Variants in TSPAN9 observed in about 807,000 individuals in gnomAD.
The protein encoded by TSPAN9 is tetraspanin-9.
Under a neutral mutation model 31.0 loss-of-function variants are expected in TSPAN9, and 16 were observed. The ratio of observed to expected loss-of-function variants is 0.52; its 90% CI spans 0.35 to 0.78. The LOEUF (loss-of-function observed/expected upper bound fraction) is 0.78. Among genes scored for constraint, TSPAN9 ranks in the 30% least tolerant of loss-of-function variants. The pLI, the probability that TSPAN9 is intolerant of heterozygous loss-of-function variation, is 0.01. For missense variants in TSPAN9, 272 were observed against 312.5 expected (o/e 0.87, Z 0.98); for synonymous variants, 145 against 121.6 (o/e 1.19, Z -1.27).
At chr12:3,148,914 G>A (rs1234160625) in intron 2 of TSPAN9, among the ~76,000 whole-genome samples, 1 of 152,206 alleles carries the variant, frequency 6.6e-6, no homozygotes, top group Non-Finnish European at 1.5e-5. Context: ...CCTCTCGGGC[G>A]TGCCTGGCCG....
intron 3 of TSPAN9, among the ~76,000 whole-genome samples, chr12:3,254,710 A>T (rs1487919112): frequency 6.6e-6 from 1 of 152,322 alleles, no homozygotes; most frequent in South Asian, 2.1e-4. Context: ...CCCGCTTAAC[A>T]TATATAGAAA....
At chr12:3,261,929 AG>A (rs1410936357) in intron 3 of TSPAN9, among the ~76,000 whole-genome samples, 3 of 152,188 alleles carry the variant, frequency 2.0e-5, no homozygotes, top group Non-Finnish European at 2.9e-5. Context: ...TCCCCATTTC[AG>A]GGACTTGGTG....
intron 3 of TSPAN9, among the ~76,000 whole-genome samples, chr12:3,268,183 C>CGTTCCTGCAGCCTGCCCTCTCTGT (rs1862575465): frequency 7.6e-6 from 1 of 130,852 alleles, no homozygotes. Context: ...ACCCTCCGTG[C>CGTTCCTGCAGCCTGCCCTCTCTGT]GTTCCTGCAG....
intron 3 of TSPAN9, among the ~76,000 whole-genome samples, chr12:3,238,861 G>A (rs2098395167): frequency 6.6e-6 from 1 of 152,180 alleles, no homozygotes; most frequent in Non-Finnish European, 1.5e-5. Flanking sequence ...GGGTGGTGGG[G>A]CCGCCCTTTG....
At chr12:3,278,316 A>T in intron 3 of TSPAN9, 105 bp from the exon 4 acceptor site, 1 of 1,483,208 alleles carries the variant, frequency 6.7e-7, no homozygotes, top group Non-Finnish European at 9.1e-7. Flanking sequence ...GTCGGTTCTC[A>T]CTTTGTCTGT....
intron 2 of TSPAN9, among the ~76,000 whole-genome samples, chr12:3,176,982 G>A (rs997469898): frequency 6.6e-6 from 1 of 152,260 alleles, no homozygotes; most frequent in Non-Finnish European, 1.5e-5. Context: ...GCAAAACGAG[G>A]AGTGGCTGGG....
intron 5 of TSPAN9, 24 bp downstream of exon 5, chr12:3,279,090 G>T (rs752425388): frequency 5.0e-6 from 8 of 1,609,228 alleles, no homozygotes; most frequent in Non-Finnish European, 6.8e-6. Context: ...GATGGGAGGG[G>T]GCATATGGAA....
chr12:3,216,830 G>T (rs1198299088), intron 3 of TSPAN9, among the ~76,000 whole-genome samples: 1 of 152,202 alleles, frequency 6.6e-6, no homozygotes, highest in Non-Finnish European at 1.5e-5. Flanking sequence ...CTTGGCCAAG[G>T]CCCTCATCTC....
chr12:3,138,632 CAAAA>C (rs11295678), intron 2 of TSPAN9, among the ~76,000 whole-genome samples: 145,250 of 149,922 alleles, frequency 0.97, 70,467 homozygotes, highest in East Asian at 1. Context: ...ATCCGCCATA[CAAAA>C]AAAAAAAAAG....
At chr12:3,282,178 C>T (rs961572364) in intron 8 of TSPAN9, 1 of 603,290 alleles carries the variant, frequency 1.7e-6, no homozygotes, top group Non-Finnish European at 3.0e-6. Context: ...GTGCACATGG[C>T]ACACTCTCTG....
At chr12:3,183,737 T>G (rs2098359599) in intron 2 of TSPAN9, among the ~76,000 whole-genome samples, 1 of 152,046 alleles carries the variant, frequency 6.6e-6, no homozygotes, top group Admixed American at 6.6e-5. Flanking sequence ...CTTGGAGAAG[T>G]AGTTTTAGAG....
At chr12:3,215,676 C>T (rs942844467) in intron 3 of TSPAN9, among the ~76,000 whole-genome samples, 1 of 152,224 alleles carries the variant, frequency 6.6e-6, no homozygotes, top group Non-Finnish European at 1.5e-5. Flanking sequence ...GCGTCTGACA[C>T]CTGGGGAACC....
intron 3 of TSPAN9, among the ~76,000 whole-genome samples, chr12:3,208,788 T>G (rs866511040): frequency 6.6e-6 from 1 of 152,256 alleles, no homozygotes; most frequent in East Asian, 1.9e-4. Flanking sequence ...CATGAGCCTC[T>G]GTGACCCCCA....
At chr12:3,281,134 G>C in intron 6 of TSPAN9, 64 bp from the exon 7 acceptor site, 1 of 1,543,756 alleles carries the variant, frequency 6.5e-7, no homozygotes, top group Admixed American at 2.0e-5. Flanking sequence ...GGCAGGGGAA[G>C]GCCCTGGGGA....
chr12:3,150,416 G>A (rs1430288170), intron 2 of TSPAN9, among the ~76,000 whole-genome samples: 1 of 152,124 alleles, frequency 6.6e-6, no homozygotes, highest in African/African-American at 2.4e-5. Flanking sequence ...TAAATGGATT[G>A]TAGTATATAT....
chr12:3,235,152 C>T (rs1292400573), intron 3 of TSPAN9, among the ~76,000 whole-genome samples: 3 of 122,286 alleles, frequency 2.5e-5, no homozygotes, highest in Non-Finnish European at 4.9e-5. Flanking sequence ...CACTGCACTC[C>T]AGCCTGTGCG....
chr12:3,151,575 G>T (rs75707558), intron 2 of TSPAN9: 11,726 of 152,184 alleles, frequency 0.077, 476 homozygotes, highest in Non-Finnish European at 0.093. Context: ...CTGGGGCTGC[G>T]CATGCCCCCT....
intron 3 of TSPAN9, among the ~76,000 whole-genome samples, chr12:3,216,033 C>T (rs1315280361): frequency 6.6e-6 from 1 of 152,226 alleles, no homozygotes; most frequent in Non-Finnish European, 1.5e-5. Flanking sequence ...GATCCATTAT[C>T]CCTGGTCGCC....
At position 3,109,307 on chromosome 12, in the gene TSPAN9, A is replaced by AGAGAGT. The variant is rs560687812; in HGVS notation, c.-18+25589_-18+25590insAGAGTG. Among the ~76,000 whole-genome samples the AGAGAGT allele has an allele frequency of 1.1e-3, 160 of 143,316 alleles. 1 individual carries two copies. The highest frequency in any genetic ancestry group is 4.2e-3 in the African/African-American group (151 of 36,144). The allele number at this position is 143,316 out of a possible 152,430, so 94.0% of individuals were successfully genotyped here. On this transcript the variant is annotated intron_variant, in intron 2 of 8. Coordinates refer to ENST00000011898, the MANE Select transcript of TSPAN9 (RefSeq NM_006675.5). Reference sequence around the variant, plus strand: ...GTGTGTGTGTGTGTGTGTGAGAGAGAGTGTGTGTGTGTGTGTGTGTTTGTG... The same window carrying AGAGAGT: ...GTGTGTGTGTGTGTGTGTGAGAGAGAGAGAGTGTGTGTGTGTGTGTGTGTGTTTGTG...
Sources: gnomAD v4.1 joint callset for allele counts (sites outside exome capture counted in the v4.1 genomes callset) on GRCh38, gnomAD v4.1.1 for gene constraint, MANE v1.5 for transcripts, NCBI Gene and HGNC (gene_info 2026-07-23, HGNC 2026-07-21) for gene names.